Variants in TUB observed in about 807,000 individuals in gnomAD.
The protein encoded by TUB is TUB bipartite transcription factor.
In TUB, 33 loss-of-function variants were observed where a neutral mutation model predicts 59.7. That is an observed-to-expected ratio of 0.55 (90% CI 0.42 to 0.74). TUB has a LOEUF of 0.74. Ranked by LOEUF, TUB falls within the 30% of genes least tolerant of loss-of-function variation. The pLI is 0.00. For synonymous variants in TUB, 293 were observed against 256.4 expected (o/e 1.14, Z -1.36); for missense variants, 659 against 672.0 (o/e 0.98, Z 0.21).
At chr11:8,035,110 C>G (rs529039866), upstream of TUB, among the ~76,000 whole-genome samples, 1 of 152,202 alleles carries the variant, frequency 6.6e-6, no homozygotes, top group Non-Finnish European at 1.5e-5. Flanking sequence ...ACCTCAAGTG[C>G]AACATTCAAA....
At chr11:8,054,618 C>T (rs1942988046) in intron 2 of TUB, among the ~76,000 whole-genome samples, 1 of 152,256 alleles carries the variant, frequency 6.6e-6, no homozygotes, top group Non-Finnish European at 1.5e-5. Flanking sequence ...CATATCTATG[C>T]ATACACCTTG....
At chr11:8,046,127 T>C (rs1405178153) in intron 2 of TUB, among the ~76,000 whole-genome samples, 1 of 152,106 alleles carries the variant, frequency 6.6e-6, no homozygotes, top group Non-Finnish European at 1.5e-5. Context: ...TCTTGCTCTC[T>C]CACTCTCTAG....
intron 1 of TUB, among the ~76,000 whole-genome samples, chr11:8,023,551 G>A (rs946382088): frequency 3.9e-5 from 6 of 152,072 alleles, no homozygotes; most frequent in African/African-American, 1.4e-4. Flanking sequence ...CAGCCTTTTT[G>A]CCAAGACTTA....
At chr11:8,084,053 G>T (rs964324441) in intron 1 of TUB, among the ~76,000 whole-genome samples, 1 of 152,198 alleles carries the variant, frequency 6.6e-6, no homozygotes, top group Non-Finnish European at 1.5e-5. Context: ...GTGGGGGCAG[G>T]GGGTGGCATG....
Position 8,101,907 on chromosome 11 carries a change from C to A in TUB, c.*288C>A. On this transcript the variant is annotated 3_prime_UTR_variant, in exon 12 of 12. Coordinates refer to ENST00000299506, the MANE Select transcript of TUB (RefSeq NM_177972.3). ...CCTTGGGGTAGTAGTGTGTTGTAGT[C>A]GTACTTACCAAGCTGAGCAACCTCT... The A allele has an allele frequency of 2.5e-6, 1 of 402,158 alleles. No individual in the cohort carries two copies. Among genetic ancestry groups the A allele is most frequent in the Non-Finnish European group, 4.5e-6 (1 of 223,628 alleles). 24.9% of individuals were successfully genotyped at this position (402,158 alleles called of 1,614,324 possible).
rs1944337891 is a variant in TUB, at chr11:8,102,200, G to GA, written c.*582dup. 6.6e-6 allele frequency: 1 copy of GA among 152,598 alleles called. No individual in the cohort carries two copies. The highest frequency in any genetic ancestry group is 1.5e-5 in the Non-Finnish European group (1 of 68,272). The allele number at this position is 152,598 out of a possible 1,614,324, so 9.5% of individuals were successfully genotyped here. The stretch of plus-strand genomic sequence containing the variant: ...TGAGAGAAGTTGGGAGGGTGGTGGG[G>GA]ACAGGTAAGTGGCAGGACCCTGTCA... On this transcript the variant is annotated 3_prime_UTR_variant, in exon 12 of 12. Transcript: ENST00000299506.
intron 2 of TUB, among the ~76,000 whole-genome samples, chr11:8,048,655 C>G (rs1396803804): frequency 6.6e-6 from 1 of 152,188 alleles, no homozygotes; most frequent in South Asian, 2.1e-4. Flanking sequence ...ATCCTCCCAA[C>G]TTGGCCTCCT....
chr11:8,054,396 C>A (rs1474424284), intron 2 of TUB, among the ~76,000 whole-genome samples: 6 of 152,086 alleles, frequency 3.9e-5, no homozygotes, highest in Non-Finnish European at 8.8e-5. Context: ...CTTTTATGGT[C>A]CTCTGACTTT....
At position 8,105,418 on chromosome 11, in the gene TUB, T is replaced by G. The variant is rs1222978324; in HGVS notation, c.*3799T>G. On this transcript the variant is annotated 3_prime_UTR_variant, in exon 12 of 12. Transcript: ENST00000299506. ...GCCAAGGGCTAGGCTCTTGTTTGAG[T>G]TTATGGCCACCTGGAATTTTCAGTC... is the stretch of plus-strand genomic sequence containing the variant. 3 of 151,958 alleles carry G rather than the reference T, an allele frequency of 2.0e-5. No individual in the cohort carries two copies. Among genetic ancestry groups the G allele is most frequent in the Non-Finnish European group, 2.9e-5 (2 of 68,060 alleles). The allele number at this position is 151,958 out of a possible 1,614,324, so 9.4% of individuals were successfully genotyped here. A position where few individuals can be genotyped will look rare whatever the true frequency, so the allele number is the denominator to read the frequency against.
intron 1 of TUB, 72 bp from the exon 2 acceptor site, chr11:8,089,538 G>A: frequency 6.3e-7 from 1 of 1,578,560 alleles, no homozygotes; most frequent in Non-Finnish European, 8.7e-7. Flanking sequence ...CAGATATGCT[G>A]GGGGTGGGCT....
intron 2 of TUB, among the ~76,000 whole-genome samples, chr11:8,052,163 T>C (rs922802726): frequency 6.6e-6 from 1 of 152,216 alleles, no homozygotes; most frequent in Non-Finnish European, 1.5e-5. Flanking sequence ...TTGTCTTGGC[T>C]AACTTGGAAA....
At chr11:8,023,495 G>T (rs1187426183) in intron 1 of TUB, among the ~76,000 whole-genome samples, 1 of 152,198 alleles carries the variant, frequency 6.6e-6, no homozygotes. Flanking sequence ...CCTGGTCTCA[G>T]TTATCAACGC....
rs978449727 is a variant in TUB, at chr11:8,019,315, A to G, written c.13A>G (p.Ser5Gly). 6.3e-6 allele frequency: 8 copies of G among 1,279,436 alleles called. No individual in the cohort carries two copies. In the African/African-American group the frequency reaches 7.7e-5, roughly 12 times the overall value. 79.3% of individuals were successfully genotyped at this position (1,279,436 alleles called of 1,614,324 possible). A position where few individuals can be genotyped will look rare whatever the true frequency, so the allele number is the denominator to read the frequency against. The change falls in exon 1 of 12, where the codon AGC becomes GGC. Residue 5 changes from serine to glycine, a missense_variant. Coordinates refer to the TUB transcript ENST00000534099. ...GCCGGAGGCGGCGATGGAGGGAGTC[A>G]GCAGCCACCGGACCCTGTCTTACAG...
At position 8,097,630 on chromosome 11, in the gene TUB, GGAGA is replaced by G. The variant is rs1177267054; in HGVS notation, c.886-80_886-77del. The G allele has an allele frequency of 8.1e-6, 11 of 1,355,364 alleles. No individual in the cohort carries two copies. The South Asian group carries it at 9.0e-5, about 11-fold the overall frequency. 84.0% of individuals were successfully genotyped at this position (1,355,364 alleles called of 1,614,324 possible). Reference sequence around the variant, plus strand: ...ATGTGCGTTTGGGAGCTGACGCAACGGAGAGAGTCTGTGTGAGTGGCTCTCATGA... The same window carrying G: ...ATGTGCGTTTGGGAGCTGACGCAACGGAGTCTGTGTGAGTGGCTCTCATGA... On this transcript the variant is annotated intron_variant, in intron 7 of 11. Coordinates refer to ENST00000299506, the MANE Select transcript of TUB (RefSeq NM_177972.3).
intron 11 of TUB, 139 bp from the exon 12 acceptor site, chr11:8,101,347 A>T: frequency 8.5e-7 from 1 of 1,173,166 alleles, no homozygotes; most frequent in Non-Finnish European, 1.2e-6. Flanking sequence ...CCTTTGTTTT[A>T]CTTCCCTTTG....
At chr11:8,100,107 G>T (rs182936544) in intron 9 of TUB, among the ~76,000 whole-genome samples, 1 of 152,308 alleles carries the variant, frequency 6.6e-6, no homozygotes, top group Non-Finnish European at 1.5e-5. Context: ...AGGAGTCCAG[G>T]CAAAGGCTGT....
At chr11:8,086,913 C>T (rs147648800) in intron 1 of TUB, among the ~76,000 whole-genome samples, 23 of 152,320 alleles carry the variant, frequency 1.5e-4, no homozygotes, top group African/African-American at 5.1e-4. Context: ...GTGGTTAAGT[C>T]CTTTCTCCCT....
intron 2 of TUB, among the ~76,000 whole-genome samples, chr11:8,057,729 A>G (rs976534766): frequency 5.9e-5 from 9 of 152,118 alleles, no homozygotes; most frequent in East Asian, 1.9e-4. Context: ...CAGACCCCCA[A>G]TAAAACTTGT....
chr11:8,027,353 C>T (rs181698962), intron 1 of TUB, among the ~76,000 whole-genome samples: 38 of 152,258 alleles, frequency 2.5e-4, no homozygotes, highest in African/African-American at 8.2e-4. Context: ...TTTCGTATAA[C>T]GAAATCATAC....
Sources: allele counts gnomAD v4.1 joint callset (sites outside exome capture counted in the v4.1 genomes callset), GRCh38; gene constraint gnomAD v4.1.1; transcripts MANE v1.5; gene names NCBI Gene and HGNC (gene_info 2026-07-23, HGNC 2026-07-21).